SLC9C1: variants seen among roughly 807,000 people sequenced by gnomAD.
SLC9C1 encodes the protein sodium/hydrogen exchanger 10.
A neutral mutation model predicts 140.9 loss-of-function variants in SLC9C1; 97 were observed. That is an observed-to-expected ratio of 0.69 (90% CI 0.58 to 0.82). The LOEUF (loss-of-function observed/expected upper bound fraction) is 0.82, where lower values mean the gene tolerates loss of function less well. Among genes scored for constraint, SLC9C1 ranks in the 40% least tolerant of loss-of-function variants. The pLI is 0.00. For synonymous variants in SLC9C1, 440 were observed against 442.6 expected, an observed-to-expected ratio of 0.99 and a Z score of 0.07; for missense variants, 1,340 against 1,389.3, an observed-to-expected ratio of 0.96 and a Z score of 0.56.
At chr3:112,254,611 A>G (rs77571975) in intron 10 of SLC9C1, among the ~76,000 whole-genome samples, 15,823 of 152,168 alleles carry the variant, frequency 0.1, 880 homozygotes, top group East Asian at 0.2. Context: ...ATAGAAAGGA[A>G]AGATCACTGA....
chr3:112,284,985 CTTTT>C (rs61428176), intron 2 of SLC9C1, among the ~76,000 whole-genome samples: 1 of 103,860 alleles, frequency 9.6e-6, no homozygotes, highest in South Asian at 3.3e-4. Context: ...TACAATTTTT[CTTTT>C]TTTTTTTTTT....
At position 112,278,801 on chromosome 3, in the gene SLC9C1, T is replaced by C. The variant is rs1265720853; in HGVS notation, c.246A>G (p.Ile82Met). The change falls in exon 4 of 29, where the codon ATA becomes ATG. Residue 82 changes from isoleucine to methionine, a missense_variant. Coordinates refer to ENST00000305815, the MANE Select transcript of SLC9C1 (RefSeq NM_183061.3). ...TAGTAAAGAAAACTACTGGTGTAAATATACGAAAAAATAAGTCTGGACTCA... is the reference window on the plus strand; with the variant it reads ...TAGTAAAGAAAACTACTGGTGTAAACATACGAAAAAATAAGTCTGGACTCA... ...QWMSPDLFFR[I>M]FTPVVFFTTA... 3.7e-6 allele frequency: 6 copies of C among 1,611,110 alleles called. No individual in the cohort carries two copies. Among genetic ancestry groups the C allele is most frequent in the Non-Finnish European group, 4.2e-6 (5 of 1,178,818 alleles).
intron 15 of SLC9C1, among the ~76,000 whole-genome samples, chr3:112,212,469 A>T (rs1302168135): frequency 6.6e-6 from 1 of 152,208 alleles, no homozygotes; most frequent in Admixed American, 6.5e-5. Flanking sequence ...AAAAGATTAG[A>T]CAAATGGCTA....
chr3:112,207,006 T>C (rs2078071546), intron 16 of SLC9C1, among the ~76,000 whole-genome samples: 1 of 151,924 alleles, frequency 6.6e-6, no homozygotes, highest in African/African-American at 2.4e-5. Context: ...ATAATAATAA[T>C]TTGAATTTAG....
At chr3:112,148,167 T>G (rs2074859355) in intron 28 of SLC9C1, among the ~76,000 whole-genome samples, 1 of 152,212 alleles carries the variant, frequency 6.6e-6, no homozygotes, top group African/African-American at 2.4e-5. Context: ...TTTCCTGGAT[T>G]GTTTTAAGGT....
chr3:112,233,053 A>G (rs924011197), intron 12 of SLC9C1, among the ~76,000 whole-genome samples: 8 of 37,932 alleles, frequency 2.1e-4, no homozygotes, highest in Admixed American at 5.9e-4. Context: ...ACACACACAT[A>G]TATATATATA....
chr3:112,244,419 T>A (rs949247220), intron 10 of SLC9C1, among the ~76,000 whole-genome samples: 1 of 152,198 alleles, frequency 6.6e-6, no homozygotes, highest in Non-Finnish European at 1.5e-5. Context: ...ACTTTATCAA[T>A]CCTTATCCAC....
intron 28 of SLC9C1, among the ~76,000 whole-genome samples, chr3:112,147,150 G>T (rs546549448): frequency 6.6e-6 from 1 of 152,238 alleles, no homozygotes; most frequent in Admixed American, 6.5e-5. Flanking sequence ...TTGCATGGTA[G>T]ATCTTTCTCC....
At chr3:112,190,469 C>A (rs1197897550) in intron 20 of SLC9C1, among the ~76,000 whole-genome samples, 1 of 152,046 alleles carries the variant, frequency 6.6e-6, no homozygotes, top group South Asian at 2.1e-4. Flanking sequence ...TCTAAATTGC[C>A]CTCCAGAATG....
intron 4 of SLC9C1, among the ~76,000 whole-genome samples, chr3:112,278,240 G>GT (rs147063161): frequency 0.01 from 1,528 of 152,218 alleles, 25 homozygotes; most frequent in African/African-American, 0.034. Flanking sequence ...GATTTGGAGT[G>GT]TTTTTTCTTG....
At chr3:112,267,356 C>T (rs2079947829) in intron 7 of SLC9C1, among the ~76,000 whole-genome samples, 1 of 151,862 alleles carries the variant, frequency 6.6e-6, no homozygotes, top group African/African-American at 2.4e-5. Flanking sequence ...GCGGGTGGAT[C>T]ATGAGGTCAG....
chr3:112,259,605 C>T (rs1007261243), intron 10 of SLC9C1, among the ~76,000 whole-genome samples: 1 of 151,956 alleles, frequency 6.6e-6, no homozygotes, highest in Non-Finnish European at 1.5e-5. Flanking sequence ...AAGAAAACAA[C>T]AGACACTGGG....
intron 10 of SLC9C1, among the ~76,000 whole-genome samples, chr3:112,259,103 A>G (rs2079695245): frequency 6.6e-6 from 1 of 152,160 alleles, no homozygotes; most frequent in Admixed American, 6.6e-5. Context: ...ACCACATTAG[A>G]ATATTATGCA....
At chr3:112,190,825 T>C (rs1358753591) in intron 20 of SLC9C1, among the ~76,000 whole-genome samples, 2 of 152,006 alleles carry the variant, frequency 1.3e-5, no homozygotes, top group Admixed American at 6.6e-5. Flanking sequence ...TTGTGTGTAA[T>C]ACATGTTACA....
intron 2 of SLC9C1, among the ~76,000 whole-genome samples, chr3:112,286,019 C>T (rs981185097): frequency 6.6e-6 from 1 of 152,132 alleles, no homozygotes; most frequent in Admixed American, 6.5e-5. Flanking sequence ...CCATCTCAGC[C>T]TCCCAAAGTG....
intron 8 of SLC9C1, among the ~76,000 whole-genome samples, chr3:112,265,874 C>G (rs1576479784): frequency 6.6e-6 from 1 of 152,036 alleles, no homozygotes; most frequent in African/African-American, 2.4e-5. Context: ...CTTAATTAAA[C>G]TTAATTTTAA....
intron 23 of SLC9C1, among the ~76,000 whole-genome samples, chr3:112,178,867 T>C (rs1004628284): frequency 2.6e-5 from 4 of 152,208 alleles, no homozygotes; most frequent in African/African-American, 9.6e-5. Flanking sequence ...TAGCTGAAAT[T>C]CTATATAGAA....
At chr3:112,195,131 G>C (rs1445061351) in intron 20 of SLC9C1, among the ~76,000 whole-genome samples, 3 of 152,026 alleles carry the variant, frequency 2.0e-5, no homozygotes, top group Non-Finnish European at 1.5e-5. Context: ...AAATTTTCCT[G>C]AAGTGCACTT....
Position 112,278,753 on chromosome 3 carries a change from G to A in SLC9C1, c.294C>T (p.Tyr98=), listed in dbSNP as rs754282397. 6.2e-7 allele frequency: 1 copy of A among 1,609,820 alleles called. No homozygotes were observed. Among genetic ancestry groups the A allele is most frequent in the Non-Finnish European group, 8.5e-7 (1 of 1,178,390 alleles). ...FFTTAFDMDT[Y]MLQKLFWQIL... ...CCTGCCAAAATAACTTTTGAAGCATGTACGTATCCATGTCAAATGCAGTAG... is the reference window on the plus strand; with the variant it reads ...CCTGCCAAAATAACTTTTGAAGCATATACGTATCCATGTCAAATGCAGTAG... The change falls in exon 4 of 29, where the codon TAC becomes TAT. Residue 98 remains tyrosine (Y), a synonymous_variant. Transcript: ENST00000305815.
Sources: allele counts gnomAD v4.1 joint callset (sites outside exome capture counted in the v4.1 genomes callset), GRCh38; gene constraint gnomAD v4.1.1; transcripts MANE v1.5; gene names NCBI Gene and HGNC (gene_info 2026-07-23, HGNC 2026-07-21).